SGCZ: variants seen among roughly 807,000 people sequenced by gnomAD.
SGCZ encodes the protein zeta-sarcoglycan.
A neutral mutation model predicts 41.3 loss-of-function variants in SGCZ; 40 were observed. The observed-to-expected ratio is 0.97, with a 90% confidence interval of 0.75 to 1.26. The LOEUF (loss-of-function observed/expected upper bound fraction) is 1.26. SGCZ is among the 50% of genes most tolerant of loss of function. The pLI is 0.00. For missense variants in SGCZ, 552 were observed against 369.8 expected (o/e 1.49, Z -4.04); for synonymous variants, 206 against 137.5 (o/e 1.50, Z -3.49).
At chr8:14,999,037 T>C (rs893083355) in intron 1 of SGCZ, among the ~76,000 whole-genome samples, 3 of 152,246 alleles carry the variant, frequency 2.0e-5, no homozygotes, top group African/African-American at 7.2e-5. Context: ...AGGGGTGTTG[T>C]GTCCCAGGTG....
At position 14,703,994 on chromosome 8, in the gene SGCZ, C is replaced by A. The variant is rs546203787; in HGVS notation, c.40-149068G>T. On this transcript the variant is annotated intron_variant, in intron 1 of 7. Transcript: ENST00000382080. ...AATTGATGCTTTAATAATTGTGATT[C>A]TTTCTCTACTTTCTTCTTCATGAGA... Among the ~76,000 whole-genome samples, 6 of 152,078 alleles carry A rather than the reference C, an allele frequency of 3.9e-5. No individual in the cohort carries two copies. The East Asian group carries it at 1.2e-3, about 29-fold the overall frequency.
At chr8:15,064,645 G>A (rs568195409) in intron 1 of SGCZ, among the ~76,000 whole-genome samples, 43 of 151,852 alleles carry the variant, frequency 2.8e-4, no homozygotes, top group Non-Finnish European at 5.6e-4. Context: ...CAAGATGCTG[G>A]ACCTCTCATT....
intron 1 of SGCZ, among the ~76,000 whole-genome samples, chr8:14,744,334 G>T (rs1220197817): frequency 6.6e-6 from 1 of 152,044 alleles, no homozygotes; most frequent in African/African-American, 2.4e-5. Flanking sequence ...CCTTCTGTTT[G>T]GGCCAACAGG....
intron 2 of SGCZ, among the ~76,000 whole-genome samples, chr8:14,428,762 T>C (rs918902689): frequency 2.6e-5 from 4 of 152,190 alleles, no homozygotes; most frequent in African/African-American, 9.7e-5. Flanking sequence ...AGGAAGCTTG[T>C]TGAGGAGGTC....
chr8:14,474,483 C>G (rs565421551), intron 2 of SGCZ, among the ~76,000 whole-genome samples: 1 of 152,122 alleles, frequency 6.6e-6, no homozygotes, highest in Non-Finnish European at 1.5e-5. Flanking sequence ...GTATCAGATG[C>G]ACATTTTGCA....
intron 1 of SGCZ, among the ~76,000 whole-genome samples, chr8:15,178,736 T>C (rs1408339117): frequency 6.6e-6 from 1 of 152,138 alleles, no homozygotes; most frequent in African/African-American, 2.4e-5. Context: ...CTGCATTCTA[T>C]ATAATAGCCC....
intron 1 of SGCZ, among the ~76,000 whole-genome samples, chr8:14,776,984 C>A (rs368465887): frequency 6.6e-6 from 1 of 152,110 alleles, no homozygotes; most frequent in African/African-American, 2.4e-5. Flanking sequence ...GAATGGCACC[C>A]GAATGTTCAG....
chr8:14,347,733 T>C (rs992484618), intron 2 of SGCZ, among the ~76,000 whole-genome samples: 1 of 152,080 alleles, frequency 6.6e-6, no homozygotes, highest in African/African-American at 2.4e-5. Flanking sequence ...ATGTCACGTA[T>C]GTAATTCACT....
intron 1 of SGCZ, among the ~76,000 whole-genome samples, chr8:15,108,539 C>T (rs1364351236): frequency 1.3e-5 from 2 of 152,102 alleles, no homozygotes; most frequent in African/African-American, 2.4e-5. Flanking sequence ...GAGCTCAGAA[C>T]ACAAAATGGG....
intron 5 of SGCZ, among the ~76,000 whole-genome samples, chr8:14,146,955 G>GA (rs75899034): frequency 1.4e-3 from 199 of 146,396 alleles, no homozygotes; most frequent in African/African-American, 2.8e-3. Context: ...GGAATAAACA[G>GA]AAAAAAAAAA....
rs985671431 is a variant in SGCZ, at chr8:15,077,249, T to A, written c.39+160336A>T. 1.2e-4 allele frequency among the ~76,000 whole-genome samples: 18 copies of A among 152,300 alleles called. No homozygotes were observed. In the East Asian group the frequency reaches 3.3e-3, roughly 28 times the overall value. ...TGTTAAGTACAATTATAAAACCATT[T>A]AAAAATATGAATCTGACAAGAAATA... On this transcript the variant is annotated intron_variant, in intron 1 of 7. Transcript: ENST00000382080.
chr8:14,809,592 T>G (rs1178977832), intron 1 of SGCZ, among the ~76,000 whole-genome samples: 1 of 152,168 alleles, frequency 6.6e-6, no homozygotes, highest in Non-Finnish European at 1.5e-5. Flanking sequence ...AACATTATTT[T>G]GAGGTAGAGC....
At chr8:14,713,906 A>G (rs1420559556) in intron 1 of SGCZ, among the ~76,000 whole-genome samples, 3 of 152,164 alleles carry the variant, frequency 2.0e-5, no homozygotes, top group Non-Finnish European at 4.4e-5. Context: ...GATATTTTTT[A>G]AACCTTTAAA....
At chr8:14,970,353 T>C (rs1351310427) in intron 1 of SGCZ, among the ~76,000 whole-genome samples, 1 of 152,154 alleles carries the variant, frequency 6.6e-6, no homozygotes, top group Non-Finnish European at 1.5e-5. Flanking sequence ...AGCTTTTAAA[T>C]AATTTGCTCC....
chr8:15,231,610 C>CTTT (rs914572473), intron 1 of SGCZ, among the ~76,000 whole-genome samples: 27 of 72,112 alleles, frequency 3.7e-4, no homozygotes, highest in Non-Finnish European at 4.8e-4. Flanking sequence ...TTAATATATT[C>CTTT]TTTTTTTTTT....
chr8:14,312,767 A>T (rs17119045), intron 3 of SGCZ, among the ~76,000 whole-genome samples: 40,736 of 152,128 alleles, frequency 0.27, 6,237 homozygotes, highest in South Asian at 0.48. Context: ...TATCCACTGG[A>T]GAGTGGCATC....
chr8:14,278,473 G>T (rs1339912784), intron 3 of SGCZ, among the ~76,000 whole-genome samples: 8 of 152,154 alleles, frequency 5.3e-5, no homozygotes, highest in Admixed American at 5.2e-4. Context: ...GAAAAAGTAT[G>T]CAGAGAAGCC....
At chr8:15,119,701 C>A (rs1292330239) in intron 1 of SGCZ, among the ~76,000 whole-genome samples, 1 of 152,096 alleles carries the variant, frequency 6.6e-6, no homozygotes, top group African/African-American at 2.4e-5. Context: ...AACTTGCTTT[C>A]TATCATTATC....
At chr8:14,595,908 T>A (rs928743625) in intron 1 of SGCZ, among the ~76,000 whole-genome samples, 3 of 151,986 alleles carry the variant, frequency 2.0e-5, no homozygotes, top group East Asian at 3.9e-4. Context: ...GAAAAAAAAA[T>A]GTTAGGTTGT....
Sources: allele counts gnomAD v4.1 joint callset (sites outside exome capture counted in the v4.1 genomes callset), GRCh38; gene constraint gnomAD v4.1.1; transcripts MANE v1.5; gene names NCBI Gene and HGNC (gene_info 2026-07-23, HGNC 2026-07-21).